Variants in EYS observed in about 807,000 individuals in gnomAD.
The protein encoded by EYS is protein eyes shut homolog.
In EYS, 250 loss-of-function variants were observed where a neutral mutation model predicts 282.1. That is an observed-to-expected ratio of 0.89 (90% CI 0.80 to 0.98). The LOEUF is 0.98. Among genes scored for constraint, EYS ranks in the 50% least tolerant of loss-of-function variants. EYS has a pLI of 0.00. For synonymous variants in EYS, 1,355 were observed against 1,282.9 expected (o/e 1.06, Z -1.20); for missense variants, 4,016 against 3,709.0 (o/e 1.08, Z -2.15).
Position 64,813,624 on chromosome 6 carries a change from G to T in EYS, c.3244-47C>A. The T allele has an allele frequency of 3.5e-6, 4 of 1,144,658 alleles. No individual in the cohort carries two copies. In the South Asian group the frequency reaches 6.1e-5, roughly 17 times the overall value. The allele number at this position is 1,144,658 out of a possible 1,614,324, so 70.9% of individuals were successfully genotyped here. On this transcript the variant is annotated intron_variant, in intron 21 of 42. Transcript: ENST00000503581. ...CAAATTTGATTATTAGTATAAGGTT[G>T]ACCATTTTAATATAATTATATTTTT...
At chr6:63,979,043 A>G (rs1766973054) in intron 35 of EYS, among the ~76,000 whole-genome samples, 2 of 152,110 alleles carry the variant, frequency 1.3e-5, no homozygotes, top group Non-Finnish European at 2.9e-5. Flanking sequence ...AAAAATTATT[A>G]ATATGAATTG....
chr6:65,326,104 T>C (rs192035431), intron 11 of EYS, among the ~76,000 whole-genome samples: 15 of 152,238 alleles, frequency 9.9e-5, no homozygotes, highest in African/African-American at 3.6e-4. Flanking sequence ...TCATTTTGTC[T>C]AATGTACTGT....
At chr6:64,887,271 G>A (rs1418431058) in intron 18 of EYS, among the ~76,000 whole-genome samples, 2 of 128,058 alleles carry the variant, frequency 1.6e-5, no homozygotes, top group Non-Finnish European at 3.3e-5. Flanking sequence ...CACACACCGG[G>A]GACTGTTGTG....
intron 12 of EYS, among the ~76,000 whole-genome samples, chr6:65,182,683 A>C (rs545804877): frequency 6.6e-6 from 1 of 151,972 alleles, no homozygotes; most frequent in Non-Finnish European, 1.5e-5. Context: ...TAGATATATA[A>C]TTTTTTATAG....
At chr6:64,052,242 A>T (rs1241664326) in intron 33 of EYS, among the ~76,000 whole-genome samples, 1 of 152,168 alleles carries the variant, frequency 6.6e-6, no homozygotes, top group African/African-American at 2.4e-5. Flanking sequence ...CTTATTCCTG[A>T]GCCTAGGAAT....
At chr6:64,372,210 G>A (rs915917076) in intron 29 of EYS, among the ~76,000 whole-genome samples, 11 of 142,326 alleles carry the variant, frequency 7.7e-5, no homozygotes, top group Non-Finnish European at 1.5e-4. Flanking sequence ...CCTCCCTTCA[G>A]GACTTTTTGT....
chr6:65,069,661 C>T (rs1253093311), intron 12 of EYS, among the ~76,000 whole-genome samples: 2 of 151,682 alleles, frequency 1.3e-5, no homozygotes, highest in Admixed American at 1.3e-4. Flanking sequence ...TGGTCATGGG[C>T]TCTCTTTCTC....
chr6:64,466,605 T>C (rs1775927052), intron 26 of EYS, among the ~76,000 whole-genome samples: 1 of 151,820 alleles, frequency 6.6e-6, no homozygotes, highest in South Asian at 2.1e-4. Flanking sequence ...TGGGAGGAGG[T>C]TGAGAAGATA....
chr6:64,563,204 G>T (rs922832522), intron 26 of EYS, among the ~76,000 whole-genome samples: 1 of 151,914 alleles, frequency 6.6e-6, no homozygotes, highest in African/African-American at 2.4e-5. Context: ...CATTTTCTGG[G>T]TTATTACTGG....
At chr6:64,090,315 CATAG>C (rs1008538837) in intron 31 of EYS, among the ~76,000 whole-genome samples, 8 of 152,116 alleles carry the variant, frequency 5.3e-5, no homozygotes, top group African/African-American at 1.7e-4. Flanking sequence ...TAATCTTTAA[CATAG>C]ATAGAGCCTG....
rs1554143854 is a variant in EYS, at chr6:65,031,158, T to TATATAC, written c.2137+26455_2137+26456insGTATAT. ...ATTTTATATTTTATATATATATATATACACACACACGCACATACACACACA... is the reference window on the plus strand; with the variant it reads ...ATTTTATATTTTATATATATATATATATATACACACACACACGCACATACACACACA... On this transcript the variant is annotated intron_variant, in intron 13 of 42. Coordinates refer to ENST00000503581, the MANE Select transcript of EYS (RefSeq NM_001142800.2). Among the ~76,000 whole-genome samples, 1,170 of 141,978 alleles carry TATATAC rather than the reference T, an allele frequency of 8.2e-3. 9 individuals carry two copies. Among genetic ancestry groups the TATATAC allele is most frequent in the Non-Finnish European group, 0.011 (761 of 66,460 alleles). 93.1% of individuals were successfully genotyped at this position (141,978 alleles called of 152,430 possible).
intron 2 of EYS, among the ~76,000 whole-genome samples, chr6:65,546,381 A>G (rs1768387754): frequency 6.6e-6 from 1 of 151,396 alleles, no homozygotes; most frequent in Non-Finnish European, 1.5e-5. Context: ...AAAATGCATA[A>G]TTTTCAAAAT....
chr6:64,802,312 A>G (rs1764271174), intron 22 of EYS, among the ~76,000 whole-genome samples: 1 of 151,858 alleles, frequency 6.6e-6, no homozygotes, highest in African/African-American at 2.4e-5. Flanking sequence ...CGGCTTCCCT[A>G]AAGTGCTGGG....
chr6:65,117,454 ACT>A (rs1332820147), intron 12 of EYS, among the ~76,000 whole-genome samples: 1 of 152,136 alleles, frequency 6.6e-6, no homozygotes, highest in Non-Finnish European at 1.5e-5. Context: ...GTGCCTTTTC[ACT>A]CTCTAATTAC....
chr6:64,332,067 G>A (rs1770664752), intron 29 of EYS, among the ~76,000 whole-genome samples: 1 of 152,176 alleles, frequency 6.6e-6, no homozygotes, highest in African/African-American at 2.4e-5. Flanking sequence ...AATGGAAACT[G>A]CATACAGCTT....
intron 19 of EYS, among the ~76,000 whole-genome samples, chr6:64,881,071 T>C (rs1766903049): frequency 1.3e-5 from 2 of 151,738 alleles, no homozygotes; most frequent in Non-Finnish European, 2.9e-5. Flanking sequence ...CAGAATTTAC[T>C]ACATCTATTG....
At chr6:65,702,581 A>G (rs1477484624) in intron 1 of EYS, among the ~76,000 whole-genome samples, 1 of 152,072 alleles carries the variant, frequency 6.6e-6, no homozygotes, top group African/African-American at 2.4e-5. Context: ...ATTCCCAACT[A>G]ATTGGGATGC....
chr6:65,362,359 C>A (rs1228981187), intron 8 of EYS, among the ~76,000 whole-genome samples: 1 of 152,028 alleles, frequency 6.6e-6, no homozygotes, highest in African/African-American at 2.4e-5. Context: ...GCAATACATT[C>A]TAGAACATCG....
At chr6:65,143,008 C>T (rs1764384637) in intron 12 of EYS, among the ~76,000 whole-genome samples, 2 of 151,930 alleles carry the variant, frequency 1.3e-5, no homozygotes, top group Admixed American at 1.3e-4. Context: ...TAACATACAC[C>T]TGTCCAGAAA....
Sources: allele counts gnomAD v4.1 joint callset (sites outside exome capture counted in the v4.1 genomes callset), GRCh38; gene constraint gnomAD v4.1.1; transcripts MANE v1.5; gene names NCBI Gene and HGNC (gene_info 2026-07-23, HGNC 2026-07-21).